The following FARP1 variants were observed in gnomAD, a reference collection of about 807,000 sequenced individuals.
FARP1 encodes FERM, ARH/RhoGEF and pleckstrin domain protein 1, also known as FERM, ARHGEF and pleckstrin domain-containing protein 1.
A neutral mutation model predicts 128.8 loss-of-function variants in FARP1; 52 were observed. The ratio of observed to expected loss-of-function variants is 0.40; its 90% CI spans 0.32 to 0.51. The LOEUF (loss-of-function observed/expected upper bound fraction) is 0.51, where lower values mean the gene tolerates loss of function less well. Among genes scored for constraint, FARP1 ranks in the 20% least tolerant of loss-of-function variants. The probability of loss-of-function intolerance (pLI) is 0.45; values close to 1 mark genes in which losing one functional copy is unlikely to be tolerated. For missense variants in FARP1, 1,333 were observed against 1,367.9 expected, an observed-to-expected ratio of 0.97 and a Z score of 0.40; for synonymous variants, 580 against 551.8, an observed-to-expected ratio of 1.05 and a Z score of -0.72.
Position 98,176,132 on chromosome 13 carries a change from T to C in FARP1, c.-24+32640T>C, listed in dbSNP as rs564509369. On this transcript the variant is annotated intron_variant, in intron 1 of 26. Transcript: ENST00000319562. The surrounding 1 kb of genome is among the most constrained non-coding windows in gnomAD (Gnocchi z 6.2). ...CTCATCTTACTCAACAGGCTGCTTC[T>C]CCCCAGTGTACATACAGACTTGAGT... The C allele has an allele frequency of 1.3e-6, 2 of 1,589,584 alleles. No individual in the cohort carries two copies. The highest frequency in any genetic ancestry group is 1.3e-5 in the African/African-American group (1 of 74,386).
intron 2 of FARP1, among the ~76,000 whole-genome samples, chr13:98,267,918 G>A (rs1884203735): frequency 1.3e-5 from 2 of 149,188 alleles, no homozygotes; most frequent in Admixed American, 1.4e-4. Flanking sequence ...ACAGCTTCAA[G>A]GCCAGACACG....
At chr13:98,227,911 C>A (rs1881889372) in intron 2 of FARP1, among the ~76,000 whole-genome samples, 1 of 152,152 alleles carries the variant, frequency 6.6e-6, no homozygotes, top group Admixed American at 6.5e-5. Context: ...ATATGGGGTA[C>A]ATAAATAGAA....
intron 6 of FARP1, 74 bp from the exon 7 acceptor site, chr13:98,384,656 G>A: frequency 1.1e-6 from 1 of 869,758 alleles, no homozygotes; most frequent in East Asian, 2.6e-5. Context: ...CTTCTGTTTG[G>A]CTCACTGGGG....
intron 2 of FARP1, among the ~76,000 whole-genome samples, chr13:98,313,412 A>G (rs938353730): frequency 6.8e-6 from 1 of 146,718 alleles, no homozygotes; most frequent in African/African-American, 2.4e-5. Context: ...TGGAGCCACA[A>G]ACCCAGGAGC....
intron 13 of FARP1, chr13:98,398,277 C>G (rs558994622): frequency 1.3e-5 from 2 of 152,118 alleles, no homozygotes; most frequent in Non-Finnish European, 2.9e-5. Context: ...ATTGTTGGAT[C>G]GTTTGAGAGT....
intron 2 of FARP1, among the ~76,000 whole-genome samples, chr13:98,299,322 C>T (rs1425236829): frequency 1.3e-5 from 2 of 152,166 alleles, no homozygotes; most frequent in Non-Finnish European, 2.9e-5. Context: ...CTCACACCCT[C>T]TCTCCCAGGC....
chr13:98,311,257 C>A, intron 2 of FARP1, among the ~76,000 whole-genome samples: 1 of 152,206 alleles, frequency 6.6e-6, no homozygotes, highest in Middle Eastern at 3.4e-3. Flanking sequence ...AACTGAAGCC[C>A]AAAATGATCA....
At chr13:98,346,304 C>T (rs1406173204) in intron 3 of FARP1, among the ~76,000 whole-genome samples, 9 of 151,032 alleles carry the variant, frequency 6.0e-5, no homozygotes, top group African/African-American at 1.9e-4. Context: ...ATTCTCCTGC[C>T]TCAGCCTCCT....
intron 1 of FARP1, among the ~76,000 whole-genome samples, chr13:98,188,401 A>G (rs1879019466): frequency 6.6e-6 from 1 of 152,034 alleles, no homozygotes; most frequent in Non-Finnish European, 1.5e-5. Context: ...AAAAATACAA[A>G]GAAAAAAAAT....
At chr13:98,371,579 C>T (rs1889333933) in intron 5 of FARP1, among the ~76,000 whole-genome samples, 1 of 151,912 alleles carries the variant, frequency 6.6e-6, no homozygotes, top group South Asian at 2.1e-4. Context: ...ATCATCTCTC[C>T]ATCACTCCCC....
intron 2 of FARP1, among the ~76,000 whole-genome samples, chr13:98,265,599 G>A (rs1212672870): frequency 3.3e-5 from 5 of 152,046 alleles, no homozygotes; most frequent in Non-Finnish European, 2.9e-5. Context: ...GATTACAGGC[G>A]TGAGCCACCG....
At chr13:98,272,388 A>G (rs1395015706) in intron 2 of FARP1, among the ~76,000 whole-genome samples, 7 of 152,194 alleles carry the variant, frequency 4.6e-5, no homozygotes, top group Non-Finnish European at 1.0e-4. Flanking sequence ...TGGAAAGCCC[A>G]ACAGTCATTA....
chr13:98,413,190 C>G (rs1237007346), intron 16 of FARP1, among the ~76,000 whole-genome samples: 1 of 152,142 alleles, frequency 6.6e-6, no homozygotes, highest in African/African-American at 2.4e-5. Context: ...ATTCTCCTTC[C>G]CTTGAGAGAG....
chr13:98,233,637 CAG>C (rs1882267885), intron 2 of FARP1: 1 of 152,196 alleles, frequency 6.6e-6, no homozygotes, highest in Admixed American at 6.5e-5. Flanking sequence ...TTTGAATTCT[CAG>C]GGGGAAACTG....
chr13:98,176,312 C>T lies in FARP1; in HGVS notation c.-24+32820C>T. 1 of 1,613,062 alleles carries T rather than the reference C, an allele frequency of 6.2e-7. No homozygotes were observed. The highest frequency in any genetic ancestry group is 8.5e-7 in the Non-Finnish European group (1 of 1,179,128). On this transcript the variant is annotated intron_variant, in intron 1 of 26. Transcript: ENST00000319562. This position sits in a 1 kb window ranked among gnomAD's most constrained non-coding sequence, Gnocchi z 6.2. Reference sequence around the variant, plus strand: ...GCAGCCTGAAGCTTTTGCAGTTTCGCCATCAGTTCTTTGGCGGGGTTAAAG... The same window carrying T: ...GCAGCCTGAAGCTTTTGCAGTTTCGTCATCAGTTCTTTGGCGGGGTTAAAG...
intron 1 of FARP1, among the ~76,000 whole-genome samples, chr13:98,194,392 C>G (rs1390657999): frequency 6.6e-6 from 1 of 152,240 alleles, no homozygotes; most frequent in Non-Finnish European, 1.5e-5. Context: ...GCTGGGATTA[C>G]AGGCGTGAGC....
intron 3 of FARP1, among the ~76,000 whole-genome samples, chr13:98,363,700 A>G (rs1414990862): frequency 2.0e-5 from 3 of 152,314 alleles, no homozygotes; most frequent in Non-Finnish European, 2.9e-5. Context: ...AAATCTCAAT[A>G]AAGGTCTAGG....
At chr13:98,159,683 C>T (rs1244791876) in intron 1 of FARP1, 2 of 152,098 alleles carry the variant, frequency 1.3e-5, no homozygotes, top group Non-Finnish European at 2.9e-5. Flanking sequence ...GTTGGTCAGG[C>T]TGGTCTCGAA....
chr13:98,243,744 A>G (rs1016887857), intron 2 of FARP1, among the ~76,000 whole-genome samples: 152 of 151,366 alleles, frequency 1.0e-3, no homozygotes, highest in Non-Finnish European at 1.9e-3. Context: ...TTGCCCTTTC[A>G]GGTAATTAAT....
Sources: allele counts gnomAD v4.1 joint callset (sites outside exome capture counted in the v4.1 genomes callset), GRCh38; gene constraint gnomAD v4.1.1; non-coding constraint Gnocchi (gnomAD v3.1); transcripts MANE v1.5; gene names NCBI Gene and HGNC (gene_info 2026-07-23, HGNC 2026-07-21).